Variants in ZCCHC24 observed in about 807,000 individuals in gnomAD.
ZCCHC24 encodes zinc finger CCHC-type containing 24.
A neutral mutation model predicts 26.2 loss-of-function variants in ZCCHC24; 10 were observed. The ratio of observed to expected loss-of-function variants is 0.38; its 90% CI spans 0.24 to 0.65. ZCCHC24 has a LOEUF of 0.65. Ranked by LOEUF, ZCCHC24 falls within the 30% of genes least tolerant of loss-of-function variation. The pLI is 0.54. For synonymous variants in ZCCHC24, 144 were observed against 147.1 expected (o/e 0.98, Z 0.15); for missense variants, 243 against 329.1 (o/e 0.74, Z 2.03).
chr10:79,397,900 C>G (rs1379804468), intron 2 of ZCCHC24, among the ~76,000 whole-genome samples: 1 of 152,066 alleles, frequency 6.6e-6, no homozygotes, highest in Non-Finnish European at 1.5e-5. Context: ...TTCCCAGAGC[C>G]CCTGCTTCAG....
chr10:79,386,547 A>G (rs1383082786), intron 3 of ZCCHC24, 89 bp from the exon 4 acceptor site: 2 of 939,010 alleles, frequency 2.1e-6, no homozygotes, highest in East Asian at 2.6e-5. Context: ...ACACAGAGAC[A>G]GACAGGTGAG....
chr10:79,417,092 C>T (rs1453005766), intron 2 of ZCCHC24, among the ~76,000 whole-genome samples: 1 of 152,194 alleles, frequency 6.6e-6, no homozygotes, highest in Non-Finnish European at 1.5e-5. Flanking sequence ...CTTCCCCCTC[C>T]CCGGGATCAC....
intron 2 of ZCCHC24, among the ~76,000 whole-genome samples, chr10:79,427,896 T>G (rs1857055431): frequency 6.6e-6 from 1 of 151,072 alleles, no homozygotes; most frequent in Non-Finnish European, 1.5e-5. Context: ...AGAGGAAGGA[T>G]GAAAGGATAG....
intron 2 of ZCCHC24, among the ~76,000 whole-genome samples, chr10:79,422,656 C>T (rs1025191559): frequency 3.3e-5 from 5 of 152,160 alleles, no homozygotes; most frequent in South Asian, 2.1e-4. Flanking sequence ...TGGGTGGGGG[C>T]GATGATTGTT....
chr10:79,425,416 T>A (rs1410953996), intron 2 of ZCCHC24, among the ~76,000 whole-genome samples: 1 of 152,230 alleles, frequency 6.6e-6, no homozygotes, highest in Non-Finnish European at 1.5e-5. Context: ...AGACCAGGCT[T>A]GGGATGGCCT....
At chr10:79,403,235 A>G (rs994254809) in intron 2 of ZCCHC24, among the ~76,000 whole-genome samples, 19 of 152,274 alleles carry the variant, frequency 1.2e-4, no homozygotes, top group African/African-American at 3.9e-4. Context: ...TATGCATGCC[A>G]CATGAAATTA....
chr10:79,404,652 A>T (rs1284180726), intron 2 of ZCCHC24, among the ~76,000 whole-genome samples: 1 of 152,154 alleles, frequency 6.6e-6, no homozygotes, highest in African/African-American at 2.4e-5. Flanking sequence ...TTGCTCAGCA[A>T]GACCTTTCTT....
intron 2 of ZCCHC24, among the ~76,000 whole-genome samples, chr10:79,399,438 A>G (rs557765055): frequency 6.6e-6 from 1 of 152,348 alleles, no homozygotes; most frequent in Admixed American, 6.5e-5. Context: ...AGGCCTGACC[A>G]GGCTCTCCTG....
Position 79,386,543 on chromosome 10 carries a change from A to C in ZCCHC24, c.613-85T>G, listed in dbSNP as rs972005552. 2.7e-6 allele frequency: 3 copies of C among 1,110,410 alleles called. No homozygotes were observed. In the African/African-American group the frequency reaches 4.7e-5, roughly 17 times the overall value. 68.8% of individuals were successfully genotyped at this position (1,110,410 alleles called of 1,614,324 possible). On this transcript the variant is annotated intron_variant, in intron 3 of 3. Transcript: ENST00000372336. ...GAGACAGACAGGGAGAGACACACAG[A>C]GACAGACAGGTGAGACAGGTACACA...
chr10:79,401,790 C>T (rs1353484691), intron 2 of ZCCHC24, among the ~76,000 whole-genome samples: 3 of 152,218 alleles, frequency 2.0e-5, no homozygotes, highest in Non-Finnish European at 4.4e-5. Context: ...CCCCACCGTG[C>T]GTCCAGCTGA....
chr10:79,433,944 C>A (rs1012864263), intron 1 of ZCCHC24, among the ~76,000 whole-genome samples: 13 of 152,244 alleles, frequency 8.5e-5, no homozygotes, highest in Non-Finnish European at 1.0e-4. Flanking sequence ...CTTGCCTCCC[C>A]CAACTGAAGC....
intron 2 of ZCCHC24, among the ~76,000 whole-genome samples, chr10:79,431,298 G>GC (rs1346796263): frequency 2.0e-5 from 3 of 152,184 alleles, no homozygotes; most frequent in Non-Finnish European, 4.4e-5. Flanking sequence ...GAGAACCCCA[G>GC]GGGGGCTGAG....
chr10:79,410,762 T>C (rs904269544), intron 2 of ZCCHC24, among the ~76,000 whole-genome samples: 1 of 83,888 alleles, frequency 1.2e-5, no homozygotes, highest in Non-Finnish European at 2.3e-5. Context: ...GTTAGGGGGG[T>C]GCTGCCACAT....
At position 79,386,504 on chromosome 10, in the gene ZCCHC24, A is replaced by G. The variant is rs750048121; in HGVS notation, c.613-46T>C. ...GGGCCCAGGGGAGTGAGGGGAGAGA[A>G]AGACAGAAACACAGAGACAGACAGG... On this transcript the variant is annotated intron_variant, in intron 3 of 3. Transcript: ENST00000372336. The G allele has an allele frequency of 1.2e-5, 17 of 1,473,348 alleles. No homozygotes were observed. The Middle Eastern group carries it at 6.1e-4, about 53-fold the overall frequency. The allele number at this position is 1,473,348 out of a possible 1,614,324, so 91.3% of individuals were successfully genotyped here. A position where few individuals can be genotyped will look rare whatever the true frequency, so the allele number is the denominator to read the frequency against.
chr10:79,386,483 C>T, intron 3 of ZCCHC24, 25 bp from the exon 4 acceptor site: 1 of 1,558,918 alleles, frequency 6.4e-7, no homozygotes, highest in Non-Finnish European at 8.8e-7. Flanking sequence ...AGGAAGGGGC[C>T]CAGGGGAGTG....
intron 2 of ZCCHC24, among the ~76,000 whole-genome samples, chr10:79,412,425 G>A (rs940550115): frequency 9.2e-5 from 14 of 152,328 alleles, no homozygotes; most frequent in Admixed American, 3.3e-4. Context: ...TGGCAGCCCC[G>A]CGTACGTACA....
intron 2 of ZCCHC24, chr10:79,403,322 CA>C (rs1433949982): frequency 3.3e-6 from 3 of 909,158 alleles, no homozygotes; most frequent in East Asian, 1.2e-4. Flanking sequence ...AGGCTCGAGA[CA>C]GGGGCAGCAA....
At chr10:79,423,110 A>C (rs577583311) in intron 2 of ZCCHC24, among the ~76,000 whole-genome samples, 5 of 152,288 alleles carry the variant, frequency 3.3e-5, no homozygotes, top group African/African-American at 1.2e-4. Flanking sequence ...TAGTACGTGA[A>C]GTTTTCATGT....
At chr10:79,394,513 C>A in intron 2 of ZCCHC24, 73 bp from the exon 3 acceptor site, 1 of 1,561,726 alleles carries the variant, frequency 6.4e-7, no homozygotes, top group Non-Finnish European at 8.7e-7. Flanking sequence ...GTTCCCCTGG[C>A]CTCCGCCTCA....
Sources: allele counts gnomAD v4.1 joint callset (sites outside exome capture counted in the v4.1 genomes callset), GRCh38; gene constraint gnomAD v4.1.1; transcripts MANE v1.5; gene names NCBI Gene and HGNC (gene_info 2026-07-23, HGNC 2026-07-21).